Variants in FIGN observed in about 807,000 individuals in gnomAD.
FIGN encodes the protein fidgetin, microtubule severing factor.
Under a neutral mutation model 51.3 loss-of-function variants are expected in FIGN, and 11 were observed. That is an observed-to-expected ratio of 0.21 (90% CI 0.13 to 0.35). The LOEUF is 0.35. Among genes scored for constraint, FIGN ranks in the 10% least tolerant of loss-of-function variants. The pLI, the probability that FIGN is intolerant of heterozygous loss-of-function variation, is 1.00. For missense variants in FIGN, 857 were observed against 943.6 expected (o/e 0.91, Z 1.20); for synonymous variants, 407 against 363.2 (o/e 1.12, Z -1.37).
At chr2:163,669,576 TA>T (rs989859367) in intron 2 of FIGN, among the ~76,000 whole-genome samples, 1 of 152,006 alleles carries the variant, frequency 6.6e-6, no homozygotes, top group African/African-American at 2.4e-5. Flanking sequence ...GGAAACCATT[TA>T]AAAATCTGTA....
intron 2 of FIGN, among the ~76,000 whole-genome samples, chr2:163,722,692 A>G (rs1335514888): frequency 6.6e-6 from 1 of 152,128 alleles, no homozygotes; most frequent in Non-Finnish European, 1.5e-5. Flanking sequence ...CTAGAGATAC[A>G]AAAATAGAAT....
At chr2:163,704,916 A>G (rs1684474954) in intron 2 of FIGN, among the ~76,000 whole-genome samples, 1 of 152,088 alleles carries the variant, frequency 6.6e-6, no homozygotes, top group Non-Finnish European at 1.5e-5. Context: ...ATTATATGCA[A>G]CTAATGTACC....
rs1009399260 is a variant in FIGN at position 163,603,147 on chromosome 2, A to AT, written c.*6404dup. On this transcript the variant is annotated 3_prime_UTR_variant, in exon 3 of 3. Coordinates refer to ENST00000333129, the MANE Select transcript of FIGN (RefSeq NM_018086.4). The stretch of plus-strand genomic sequence containing the variant: ...AAGCTTTCATCATCTAAAGCTTGTC[A>AT]TTTTTTTCCAAGAGAAATGGATTGT... 2 of 152,052 alleles carry AT rather than the reference A, an allele frequency of 1.3e-5. No homozygotes were observed. The highest frequency in any genetic ancestry group is 2.9e-5 in the Non-Finnish European group (2 of 67,956). The allele number at this position is 152,052 out of a possible 1,614,324, so 9.4% of individuals were successfully genotyped here.
chr2:163,627,792 A>G (rs1683079796), intron 2 of FIGN, among the ~76,000 whole-genome samples: 2 of 152,140 alleles, frequency 1.3e-5, no homozygotes, highest in African/African-American at 4.8e-5. Context: ...CAGACAAGCC[A>G]AAGTGAAACC....
intron 2 of FIGN, among the ~76,000 whole-genome samples, chr2:163,674,138 T>C (rs1375445462): frequency 1.3e-5 from 2 of 152,174 alleles, no homozygotes; most frequent in Non-Finnish European, 2.9e-5. Context: ...ATACTATACA[T>C]GTAATTGGAA....
chr2:163,645,872 G>C (rs894135545), intron 2 of FIGN, among the ~76,000 whole-genome samples: 1 of 152,252 alleles, frequency 6.6e-6, no homozygotes, highest in African/African-American at 2.4e-5. Flanking sequence ...GGGGACAAAG[G>C]TTCCTTCTAC....
At chr2:163,612,785 AAGAGAG>A (rs147434594) in intron 2 of FIGN, among the ~76,000 whole-genome samples, 2 of 144,152 alleles carry the variant, frequency 1.4e-5, no homozygotes, top group South Asian at 4.4e-4. Flanking sequence ...ATGAGAGAGA[AAGAGAG>A]AGAGAGAGAG....
At chr2:163,634,921 G>C (rs567075184) in intron 2 of FIGN, among the ~76,000 whole-genome samples, 1 of 152,116 alleles carries the variant, frequency 6.6e-6, no homozygotes, top group Non-Finnish European at 1.5e-5. Context: ...ACCTTGAACT[G>C]TATTTTACAT....
chr2:163,702,875 A>C (rs1684431048), intron 2 of FIGN, among the ~76,000 whole-genome samples: 1 of 152,122 alleles, frequency 6.6e-6, no homozygotes, highest in South Asian at 2.1e-4. Flanking sequence ...TAATAAAAAG[A>C]GTACCAATTA....
intron 2 of FIGN, among the ~76,000 whole-genome samples, chr2:163,690,096 A>C (rs963992194): frequency 6.6e-6 from 1 of 152,170 alleles, no homozygotes; most frequent in Non-Finnish European, 1.5e-5. Flanking sequence ...CAGATGGTCA[A>C]ATTGGGCCTA....
chr2:163,695,450 A>C (rs1238036113), intron 2 of FIGN, among the ~76,000 whole-genome samples: 1 of 152,078 alleles, frequency 6.6e-6, no homozygotes, highest in Non-Finnish European at 1.5e-5. Context: ...CCTCTGCTCA[A>C]ATATCACCTT....
chr2:163,668,025 C>A (rs780635151), intron 2 of FIGN, among the ~76,000 whole-genome samples: 5,922 of 144,458 alleles, frequency 0.041, 329 homozygotes, highest in Non-Finnish European at 0.059. Context: ...CCCCCCCCCC[C>A]AAAAAACCCT....
chr2:163,733,942 C>CAAAAA (rs36027114), intron 2 of FIGN, among the ~76,000 whole-genome samples: 2 of 100,182 alleles, frequency 2.0e-5, no homozygotes, highest in Non-Finnish European at 4.0e-5. Context: ...TAGCAACAAC[C>CAAAAA]AAAAAAAAAA....
At chr2:163,613,486 C>G (rs1470513253) in intron 2 of FIGN, among the ~76,000 whole-genome samples, 1 of 152,052 alleles carries the variant, frequency 6.6e-6, no homozygotes, top group South Asian at 2.1e-4. Context: ...CTGACATGGC[C>G]GGCTCTGACT....
At chr2:163,648,668 A>G (rs549734864) in intron 2 of FIGN, among the ~76,000 whole-genome samples, 1 of 152,364 alleles carries the variant, frequency 6.6e-6, no homozygotes, top group East Asian at 1.9e-4. Flanking sequence ...ATGGCAATAC[A>G]TACATTTTTT....
chr2:163,716,602 A>T (rs1286873280), intron 2 of FIGN, among the ~76,000 whole-genome samples: 9 of 152,196 alleles, frequency 5.9e-5, no homozygotes, highest in Non-Finnish European at 4.4e-5. Context: ...CTGGTTCCAG[A>T]TTCAAAGATA....
rs1416578409 is a variant in FIGN, at chr2:163,611,238, A to G, written c.594T>C (p.Tyr198=). The G allele has an allele frequency of 8.7e-6, 14 of 1,614,004 alleles. No individual in the cohort carries two copies. The highest frequency in any genetic ancestry group is 1.0e-5 in the Non-Finnish European group (12 of 1,180,020). The part of the protein sequence containing the change: ...GYNGSYLHST[Y]SSQPAPALPS... ...GAAGTGCAGGTGCTGGCTGGCTACT[A>G]TAAGTAGAATGCAAATATGATCCGT... is the stretch of plus-strand genomic sequence containing the variant. Residue 198 remains tyrosine (Y), a synonymous_variant, in exon 3 of 3, where the codon TAT becomes TAC. Transcript: ENST00000333129.
At chr2:163,634,086 A>G (rs1199431828) in intron 2 of FIGN, among the ~76,000 whole-genome samples, 1 of 101,568 alleles carries the variant, frequency 9.8e-6, no homozygotes, top group Non-Finnish European at 2.2e-5. Flanking sequence ...GTACGTATGT[A>G]TGCGTGTGTG....
At chr2:163,720,256 T>C (rs1213064327) in intron 2 of FIGN, among the ~76,000 whole-genome samples, 2 of 152,214 alleles carry the variant, frequency 1.3e-5, no homozygotes, top group Admixed American at 6.5e-5. Context: ...TGGTATCTGA[T>C]TTCACTTGTA....
Sources: allele counts gnomAD v4.1 joint callset (sites outside exome capture counted in the v4.1 genomes callset), GRCh38; gene constraint gnomAD v4.1.1; transcripts MANE v1.5; gene names NCBI Gene and HGNC (gene_info 2026-07-23, HGNC 2026-07-21).